PAK5: variants seen among roughly 807,000 people sequenced by gnomAD.
PAK5 encodes p21 (RAC1) activated kinase 5.
Under a neutral mutation model 65.9 loss-of-function variants are expected in PAK5, and 16 were observed. The observed-to-expected ratio is 0.24, with a 90% CI of 0.16 to 0.37. The LOEUF (loss-of-function observed/expected upper bound fraction) is 0.37. PAK5 is among the 10% of genes least tolerant of loss of function. The pLI is 1.00. For missense variants in PAK5, 785 were observed against 903.9 expected (o/e 0.87, Z 1.69); for synonymous variants, 371 against 354.9 (o/e 1.05, Z -0.51).
intron 1 of PAK5, among the ~76,000 whole-genome samples, chr20:9,752,722 G>A (rs1332516858): frequency 6.6e-6 from 1 of 152,142 alleles, no homozygotes; most frequent in East Asian, 1.9e-4. Flanking sequence ...GAATCAGCGT[G>A]AGGCAGACTG....
At chr20:9,695,635 T>C (rs992818986) in intron 2 of PAK5, among the ~76,000 whole-genome samples, 2 of 152,020 alleles carry the variant, frequency 1.3e-5, no homozygotes, top group African/African-American at 4.8e-5. Flanking sequence ...AACAGCCACA[T>C]TAATTAAGAT....
intron 1 of PAK5, among the ~76,000 whole-genome samples, chr20:9,760,345 G>T (rs2048684334): frequency 6.6e-6 from 1 of 152,096 alleles, no homozygotes; most frequent in Admixed American, 6.6e-5. Flanking sequence ...AGGGCTAAAT[G>T]ATCTACTTGA....
At chr20:9,733,177 G>A (rs1267070051) in intron 1 of PAK5, among the ~76,000 whole-genome samples, 1 of 152,188 alleles carries the variant, frequency 6.6e-6, no homozygotes, top group African/African-American at 2.4e-5. Flanking sequence ...TAGTAAGGAA[G>A]ATAGTTTGTA....
intron 2 of PAK5, among the ~76,000 whole-genome samples, chr20:9,645,352 T>C (rs1442469366): frequency 6.6e-6 from 1 of 152,232 alleles, no homozygotes; most frequent in Admixed American, 6.5e-5. Flanking sequence ...TGAAAACACA[T>C]AAGGTAACCT....
chr20:9,631,578 C>T (rs1449451485), intron 3 of PAK5, among the ~76,000 whole-genome samples: 2 of 152,120 alleles, frequency 1.3e-5, no homozygotes, highest in Non-Finnish European at 2.9e-5. Context: ...CCAGCTGGCC[C>T]CCTAATTGCA....
chr20:9,641,613 G>T (rs537688420), intron 3 of PAK5, among the ~76,000 whole-genome samples: 1 of 152,000 alleles, frequency 6.6e-6, no homozygotes, highest in Non-Finnish European at 1.5e-5. Flanking sequence ...TTGGGTGGTC[G>T]ATGGGACTGG....
chr20:9,682,331 T>C (rs577229808), intron 2 of PAK5, among the ~76,000 whole-genome samples: 1 of 151,828 alleles, frequency 6.6e-6, no homozygotes, highest in Admixed American at 6.6e-5. Context: ...CACTCCAGCC[T>C]GGGCAACAGA....
chr20:9,559,818 G>C (rs1364723388), intron 6 of PAK5, among the ~76,000 whole-genome samples: 1 of 152,060 alleles, frequency 6.6e-6, no homozygotes, highest in Non-Finnish European at 1.5e-5. Flanking sequence ...ACAAAGGCAG[G>C]TGACAAGAAA....
chr20:9,655,077 T>A (rs1391976811), intron 2 of PAK5, among the ~76,000 whole-genome samples: 1 of 152,158 alleles, frequency 6.6e-6, no homozygotes, highest in African/African-American at 2.4e-5. Context: ...TCAGTTTCCC[T>A]TCCACTAGAC....
At chr20:9,733,334 T>G (rs759876998) in intron 1 of PAK5, among the ~76,000 whole-genome samples, 3 of 152,086 alleles carry the variant, frequency 2.0e-5, no homozygotes, top group Non-Finnish European at 4.4e-5. Flanking sequence ...TGTGAATTAA[T>G]TACCATAATC....
At chr20:9,643,810 G>A (rs967481797) in intron 3 of PAK5, among the ~76,000 whole-genome samples, 4 of 152,120 alleles carry the variant, frequency 2.6e-5, no homozygotes, top group Non-Finnish European at 5.9e-5. Flanking sequence ...TAACCAGAGT[G>A]GATGGATAAT....
chr20:9,692,952 T>C (rs1043927791), intron 2 of PAK5, among the ~76,000 whole-genome samples: 7 of 152,008 alleles, frequency 4.6e-5, no homozygotes, highest in Non-Finnish European at 7.4e-5. Flanking sequence ...ATATTATGAG[T>C]TTACTAAAAG....
At chr20:9,668,235 C>T (rs539518438) in intron 2 of PAK5, among the ~76,000 whole-genome samples, 1 of 152,098 alleles carries the variant, frequency 6.6e-6, no homozygotes, top group South Asian at 2.1e-4. Context: ...TAAATCCAAC[C>T]AAAGTGGTAA....
At chr20:9,597,625 G>C (rs768282134) in intron 3 of PAK5, among the ~76,000 whole-genome samples, 1 of 152,228 alleles carries the variant, frequency 6.6e-6, no homozygotes, top group Non-Finnish European at 1.5e-5. Context: ...AGGAGATGGA[G>C]TCTGTTTCCC....
intron 4 of PAK5, among the ~76,000 whole-genome samples, chr20:9,578,627 C>G (rs1568975917): frequency 6.6e-6 from 1 of 152,188 alleles, no homozygotes; most frequent in South Asian, 2.1e-4. Context: ...GGATGTAACT[C>G]AATTCAGCTA....
At chr20:9,801,251 T>C (rs1423684644) in intron 1 of PAK5, among the ~76,000 whole-genome samples, 1 of 152,078 alleles carries the variant, frequency 6.6e-6, no homozygotes, top group African/African-American at 2.4e-5. Flanking sequence ...GGACACTATC[T>C]ACAAATATTT....
chr20:9,707,507 C>G (rs932957576), intron 2 of PAK5, among the ~76,000 whole-genome samples: 2 of 152,192 alleles, frequency 1.3e-5, no homozygotes, highest in African/African-American at 4.8e-5. Context: ...TGTTTGCAAT[C>G]TAGTTCTTCT....
chr20:9,585,970 C>A (rs2046061350), intron 3 of PAK5, among the ~76,000 whole-genome samples: 7 of 151,854 alleles, frequency 4.6e-5, no homozygotes, highest in Admixed American at 4.6e-4. Flanking sequence ...ATAGATGTAA[C>A]TAGAGAGAGA....
intron 2 of PAK5, among the ~76,000 whole-genome samples, chr20:9,683,034 T>A (rs955002498): frequency 5.3e-5 from 8 of 152,238 alleles, no homozygotes; most frequent in Admixed American, 4.6e-4. Context: ...ACTTGGATAC[T>A]AATAGTTGGG....
Sources: gnomAD v4.1 joint callset for allele counts (sites outside exome capture counted in the v4.1 genomes callset) on GRCh38, gnomAD v4.1.1 for gene constraint, MANE v1.5 for transcripts, NCBI Gene and HGNC (gene_info 2026-07-23, HGNC 2026-07-21) for gene names.